Variants in MALRD1 observed in about 807,000 individuals in gnomAD.
MALRD1 encodes MAM and LDL-receptor class A domain-containing protein 1.
A neutral mutation model predicts 242.1 loss-of-function variants in MALRD1; 247 were observed. The observed-to-expected ratio is 1.02, with a 90% CI of 0.92 to 1.13. The LOEUF is 1.13. MALRD1 is among the 50% of genes most tolerant of loss of function. MALRD1 has a pLI of 0.00. For missense variants in MALRD1, 2,989 were observed against 2,533.1 expected, an observed-to-expected ratio of 1.18 and a Z score of -3.86; for synonymous variants, 995 against 866.6, an observed-to-expected ratio of 1.15 and a Z score of -2.60.
At chr10:19,710,574 A>G (rs1834062130) in intron 38 of MALRD1, 1 of 152,226 alleles carries the variant, frequency 6.6e-6, no homozygotes, top group Non-Finnish European at 1.5e-5. Context: ...TAAGTATCCC[A>G]GGTTGTTCTA....
At chr10:19,515,887 T>G (rs965215768) in intron 31 of MALRD1, among the ~76,000 whole-genome samples, 5 of 152,150 alleles carry the variant, frequency 3.3e-5, no homozygotes, top group African/African-American at 9.7e-5. Flanking sequence ...TTCTTGCTGA[T>G]AAGAACGTTA....
intron 18 of MALRD1, among the ~76,000 whole-genome samples, chr10:19,218,454 T>C (rs1837421467): frequency 6.6e-6 from 1 of 152,186 alleles, no homozygotes; most frequent in Non-Finnish European, 1.5e-5. Flanking sequence ...TGCTTCAGAA[T>C]TCCTGTGATA....
At chr10:19,460,998 C>T (rs1835910429) in intron 29 of MALRD1, among the ~76,000 whole-genome samples, 1 of 152,116 alleles carries the variant, frequency 6.6e-6, no homozygotes. Context: ...CCAATCAAAA[C>T]AACTTCTGGT....
intron 26 of MALRD1, among the ~76,000 whole-genome samples, chr10:19,386,668 G>C (rs1029603884): frequency 6.6e-6 from 1 of 151,718 alleles, no homozygotes; most frequent in Non-Finnish European, 1.5e-5. Context: ...ACCAGGCACT[G>C]TTGTAGGCAC....
chr10:19,699,475 T>C (rs190116917), intron 38 of MALRD1, among the ~76,000 whole-genome samples: 1 of 152,044 alleles, frequency 6.6e-6, no homozygotes, highest in Non-Finnish European at 1.5e-5. Context: ...CTCATTCGGG[T>C]GAGGTGATGC....
chr10:19,413,784 C>G (rs944707578), intron 28 of MALRD1, among the ~76,000 whole-genome samples: 1 of 151,708 alleles, frequency 6.6e-6, no homozygotes, highest in African/African-American at 2.4e-5. Flanking sequence ...GAGTTTGAGA[C>G]CAGCCTGGCC....
chr10:19,643,772 A>G (rs765543725), intron 36 of MALRD1, among the ~76,000 whole-genome samples: 6 of 151,972 alleles, frequency 3.9e-5, no homozygotes, highest in South Asian at 4.2e-4. Flanking sequence ...TTTTCTATCT[A>G]TTCTCTCCCT....
intron 32 of MALRD1, among the ~76,000 whole-genome samples, chr10:19,567,243 CAGT>C (rs913980683): frequency 1.4e-4 from 22 of 152,092 alleles, no homozygotes; most frequent in African/African-American, 5.3e-4. Flanking sequence ...ATGCTTAAGA[CAGT>C]TACGGTTTTT....
intron 21 of MALRD1, among the ~76,000 whole-genome samples, chr10:19,310,517 A>G (rs1842385118): frequency 6.6e-6 from 1 of 151,640 alleles, no homozygotes; most frequent in South Asian, 2.1e-4. Context: ...AAGTCCAATT[A>G]GGAATGTTCT....
In MALRD1 at chr10:19,081,708, G is replaced by A. The variant is rs1297641961; in HGVS notation, c.341-6132G>A. Among the ~76,000 whole-genome samples, 7 of 151,900 alleles carry A rather than the reference G, an allele frequency of 4.6e-5. No individual in the cohort carries two copies. In the East Asian group the frequency reaches 7.7e-4, roughly 17 times the overall value. On this transcript the variant is annotated intron_variant, in intron 2 of 39. Coordinates refer to ENST00000454679, the MANE Select transcript of MALRD1 (RefSeq NM_001142308.3). Reference sequence around the variant, plus strand: ...GGATTGATCTGTGCAGCAAACCACCGTGGCACACGTTTACCTGTGTAACAA... The same window carrying A: ...GGATTGATCTGTGCAGCAAACCACCATGGCACACGTTTACCTGTGTAACAA...
At chr10:19,355,631 A>C (rs1483514025) in intron 26 of MALRD1, among the ~76,000 whole-genome samples, 1 of 150,946 alleles carries the variant, frequency 6.6e-6, no homozygotes, top group Non-Finnish European at 1.5e-5. Context: ...TAACAAATAA[A>C]AATGCATGTG....
At chr10:19,103,330 G>A (rs1836336246) in intron 4 of MALRD1, among the ~76,000 whole-genome samples, 1 of 151,994 alleles carries the variant, frequency 6.6e-6, no homozygotes, top group Non-Finnish European at 1.5e-5. Flanking sequence ...GGGAGGCCGA[G>A]GCGGGCAAAT....
At chr10:19,203,487 T>G (rs2131613760) in intron 14 of MALRD1, among the ~76,000 whole-genome samples, 1 of 152,330 alleles carries the variant, frequency 6.6e-6, no homozygotes, top group Non-Finnish European at 1.5e-5. Context: ...TTTCTCAGAA[T>G]ATTCGGAAAA....
At chr10:19,586,897 C>T (rs989471277) in intron 33 of MALRD1, among the ~76,000 whole-genome samples, 3 of 152,260 alleles carry the variant, frequency 2.0e-5, no homozygotes, top group African/African-American at 7.2e-5. Context: ...GCCTAGGACA[C>T]TCCGAGCCAG....
intron 14 of MALRD1, among the ~76,000 whole-genome samples, chr10:19,198,897 T>C (rs1309219209): frequency 6.6e-6 from 1 of 152,244 alleles, no homozygotes; most frequent in Non-Finnish European, 1.5e-5. Flanking sequence ...GACTATTAAC[T>C]ATTGATGAAG....
intron 19 of MALRD1, among the ~76,000 whole-genome samples, chr10:19,259,565 C>A (rs1408643120): frequency 2.6e-5 from 4 of 152,114 alleles, no homozygotes; most frequent in Non-Finnish European, 5.9e-5. Flanking sequence ...TTCACAAGAA[C>A]AGTGTAGGAA....
At position 19,428,761 on chromosome 10, in the gene MALRD1, G is replaced by A. The variant is rs142881888; in HGVS notation, c.4846-21546G>A. ...GCATACTGAAATGTTTAAAGTTTAC[G>A]TATAAGTTAATCCCATTTTGTATTT... On this transcript the variant is annotated intron_variant, in intron 28 of 39. Coordinates refer to ENST00000454679, the MANE Select transcript of MALRD1 (RefSeq NM_001142308.3). Among the ~76,000 whole-genome samples the A allele has an allele frequency of 3.7e-4, 56 of 152,162 alleles. No homozygotes were observed. In the East Asian group the frequency reaches 5.8e-3, roughly 16 times the overall value.
intron 17 of MALRD1, among the ~76,000 whole-genome samples, chr10:19,208,786 C>T (rs969998567): frequency 2.0e-5 from 3 of 152,110 alleles, no homozygotes; most frequent in East Asian, 1.9e-4. Flanking sequence ...AAGGGAGCTT[C>T]GAAAAAATCC....
intron 34 of MALRD1, among the ~76,000 whole-genome samples, chr10:19,602,021 A>G (rs899872964): frequency 1.3e-5 from 2 of 152,084 alleles, no homozygotes; most frequent in East Asian, 1.9e-4. Flanking sequence ...TTGTGTGCAT[A>G]CAAAATAAAA....
Sources: allele counts gnomAD v4.1 joint callset (sites outside exome capture counted in the v4.1 genomes callset), GRCh38; gene constraint gnomAD v4.1.1; transcripts MANE v1.5; gene names NCBI Gene and HGNC (gene_info 2026-07-23, HGNC 2026-07-21).